The following ANK3 variants were observed in gnomAD, a reference collection of about 807,000 sequenced individuals.
ANK3 encodes ankyrin-3.
A neutral mutation model predicts 370.9 loss-of-function variants in ANK3; 57 were observed. That is an observed-to-expected ratio of 0.15 (90% CI 0.12 to 0.19). ANK3 has a LOEUF of 0.19. Ranked by LOEUF, ANK3 falls within the 10% of genes least tolerant of loss-of-function variation. The probability of loss-of-function intolerance (pLI) is 1.00; values close to 1 mark genes in which losing one functional copy is unlikely to be tolerated. For missense variants in ANK3, 4,439 were observed against 5,302.1 expected, an observed-to-expected ratio of 0.84 and a Z score of 5.06; for synonymous variants, 1,929 against 1,946.3, an observed-to-expected ratio of 0.99 and a Z score of 0.23.
At chr10:60,701,558 C>T (rs981716966) in intron 1 of ANK3, among the ~76,000 whole-genome samples, 1 of 152,142 alleles carries the variant, frequency 6.6e-6, no homozygotes, top group African/African-American at 2.4e-5. Context: ...AATTATGGTA[C>T]ATTCAACACA....
chr10:60,125,412 T>G (rs1157318059), intron 25 of ANK3, among the ~76,000 whole-genome samples: 1 of 152,174 alleles, frequency 6.6e-6, no homozygotes, highest in Non-Finnish European at 1.5e-5. Flanking sequence ...TTCTCTGCCT[T>G]AAAACAAAAA....
intron 1 of ANK3, among the ~76,000 whole-genome samples, chr10:60,626,598 T>C (rs2078413473): frequency 6.6e-6 from 1 of 152,214 alleles, no homozygotes; most frequent in Non-Finnish European, 1.5e-5. Context: ...TCACAGCCAG[T>C]TGATTTAAAC....
At chr10:60,338,635 T>C (rs1254712352) in intron 1 of ANK3, among the ~76,000 whole-genome samples, 1 of 152,156 alleles carries the variant, frequency 6.6e-6, no homozygotes, top group African/African-American at 2.4e-5. Context: ...GTGGGAACTA[T>C]TGCCTCCCCA....
intron 7 of ANK3, among the ~76,000 whole-genome samples, chr10:60,254,466 T>C (rs1271742683): frequency 6.6e-6 from 1 of 152,186 alleles, no homozygotes; most frequent in African/African-American, 2.4e-5. Flanking sequence ...CTGATGTCCT[T>C]TCTAGCATCT....
At chr10:60,519,412 C>A (rs2076299406) in intron 2 of ANK3, among the ~76,000 whole-genome samples, 1 of 152,066 alleles carries the variant, frequency 6.6e-6, no homozygotes, top group Non-Finnish European at 1.5e-5. Flanking sequence ...AAATGTTAAT[C>A]CAAAGGAAGG....
At chr10:60,225,290 G>A (rs549340040) in intron 8 of ANK3, among the ~76,000 whole-genome samples, 40 of 152,160 alleles carry the variant, frequency 2.6e-4, no homozygotes, top group African/African-American at 8.2e-4. Flanking sequence ...GGCAGTTATC[G>A]AGATAGCCTA....
intron 1 of ANK3, among the ~76,000 whole-genome samples, chr10:60,323,238 T>C (rs1032326330): frequency 5.3e-5 from 8 of 152,298 alleles, no homozygotes; most frequent in South Asian, 2.1e-4. Flanking sequence ...CAAATGTCTG[T>C]GCAGGAGCAT....
intron 1 of ANK3, among the ~76,000 whole-genome samples, chr10:60,337,418 C>T (rs1350847816): frequency 6.6e-6 from 1 of 152,112 alleles, no homozygotes; most frequent in Admixed American, 6.5e-5. Context: ...CTGTTTTCCT[C>T]CAAACATCAC....
chr10:60,581,928 A>C (rs1163124686), intron 2 of ANK3, among the ~76,000 whole-genome samples: 2 of 152,194 alleles, frequency 1.3e-5, no homozygotes, highest in Non-Finnish European at 2.9e-5. Context: ...ACACCATGGA[A>C]TACTATGCAG....
chr10:60,498,671 TTGATAA>T (rs1204427903), intron 2 of ANK3, among the ~76,000 whole-genome samples: 1 of 152,144 alleles, frequency 6.6e-6, no homozygotes, highest in African/African-American at 2.4e-5. Context: ...GATTACTGCC[TTGATAA>T]TATTATAGCC....
intron 2 of ANK3, among the ~76,000 whole-genome samples, chr10:60,501,459 T>A (rs776645264): frequency 3.3e-5 from 5 of 151,984 alleles, no homozygotes; most frequent in Non-Finnish European, 7.4e-5. Flanking sequence ...AATCTCAGCA[T>A]TTTAGGAGGC....
At chr10:60,730,352 C>A (rs554974800) in intron 1 of ANK3, among the ~76,000 whole-genome samples, 1 of 152,182 alleles carries the variant, frequency 6.6e-6, no homozygotes, top group South Asian at 2.1e-4. Flanking sequence ...GACACAGGGT[C>A]TCGCTATATT....
intron 23 of ANK3, among the ~76,000 whole-genome samples, chr10:60,155,952 G>A (rs570528798): frequency 5.6e-4 from 85 of 152,296 alleles, no homozygotes; most frequent in African/African-American, 1.8e-3. Flanking sequence ...TTTGGGATTC[G>A]GACTGCCTTC....
At chr10:60,646,720 G>A (rs528282129) in intron 1 of ANK3, among the ~76,000 whole-genome samples, 60 of 152,228 alleles carry the variant, frequency 3.9e-4, no homozygotes, top group Admixed American at 9.8e-4. Flanking sequence ...AGAAGAAGAA[G>A]AGGAGGAATT....
At chr10:60,711,161 G>A (rs890425693) in intron 1 of ANK3, among the ~76,000 whole-genome samples, 1 of 152,106 alleles carries the variant, frequency 6.6e-6, no homozygotes, top group Admixed American at 6.6e-5. Context: ...AAATAGATGG[G>A]TAATGTAAGC....
chr10:60,439,818 T>C (rs2064252776), intron 2 of ANK3, among the ~76,000 whole-genome samples: 1 of 152,248 alleles, frequency 6.6e-6, no homozygotes, highest in African/African-American at 2.4e-5. Context: ...TCTGAAGTTC[T>C]TGGATCTCTG....
intron 1 of ANK3, among the ~76,000 whole-genome samples, chr10:60,297,166 ACATATCCAGAT>A (rs2042705390): frequency 2.0e-5 from 3 of 152,192 alleles, no homozygotes; most frequent in Admixed American, 6.5e-5. Flanking sequence ...TAAAGCTGAA[ACATATCCAGAT>A]TCTGAAAAGC....
chr10:60,599,317 A>G (rs541094818), intron 2 of ANK3, among the ~76,000 whole-genome samples: 2 of 152,250 alleles, frequency 1.3e-5, no homozygotes, highest in South Asian at 2.1e-4. Context: ...TCTACTACAA[A>G]ATATGTTAAC....
intron 1 of ANK3, among the ~76,000 whole-genome samples, chr10:60,727,073 T>C (rs1460258903): frequency 6.6e-6 from 1 of 152,024 alleles, no homozygotes; most frequent in Non-Finnish European, 1.5e-5. Context: ...TCTTACAGAG[T>C]TAAGTACATA....
Sources: allele counts gnomAD v4.1 joint callset (sites outside exome capture counted in the v4.1 genomes callset), GRCh38; gene constraint gnomAD v4.1.1; transcripts MANE v1.5; gene names NCBI Gene and HGNC (gene_info 2026-07-23, HGNC 2026-07-21).